The following GBF1 variants were observed in gnomAD, a reference collection of about 807,000 sequenced individuals.
GBF1 encodes the protein Golgi-specific brefeldin A-resistance guanine nucleotide exchange factor 1.
A neutral mutation model predicts 210.5 loss-of-function variants in GBF1; 114 were observed. The observed-to-expected ratio is 0.54, with a 90% CI of 0.47 to 0.63. GBF1 has a LOEUF of 0.63. GBF1 is among the 30% of genes least tolerant of loss of function. GBF1 has a pLI of 0.00. For missense variants in GBF1, 1,851 were observed against 2,357.7 expected (o/e 0.79, Z 4.45); for synonymous variants, 850 against 889.2 (o/e 0.96, Z 0.78).
chr10:102,271,382 C>T (rs904268324), intron 3 of GBF1, among the ~76,000 whole-genome samples: 1 of 152,122 alleles, frequency 6.6e-6, no homozygotes, highest in East Asian at 1.9e-4. Context: ...CAGGATCTTG[C>T]TGTGTTTCCC....
intron 3 of GBF1, among the ~76,000 whole-genome samples, chr10:102,328,954 T>C (rs949616535): frequency 6.6e-6 from 1 of 152,068 alleles, no homozygotes; most frequent in Non-Finnish European, 1.5e-5. Context: ...AAAGCTGGGG[T>C]AAATTGTTCT....
chr10:102,375,536 C>T lies in GBF1; in HGVS notation c.3838C>T (p.Pro1280Ser), dbSNP rs1161171070. The change falls in exon 30 of 40, where the codon CCT becomes TCT. Residue 1280 changes from proline to serine, a missense_variant. This residue lies in a region of GBF1 where 967 missense variants were observed against 1,247.7 expected (regional missense o/e 0.78). Transcript: ENST00000369983. ...LLECIGSGVK[P>S]PAALQATARA... ...GGAGTGCATCGGCTCAGGTGTGAAG[C>T]CTCCAGCTGCTCTGCAGGCCACAGC... The T allele has an allele frequency of 6.2e-7, 1 of 1,613,946 alleles. No individual in the cohort carries two copies. Among genetic ancestry groups the T allele is most frequent in the Admixed American group, 1.7e-5 (1 of 60,030 alleles).
chr10:102,364,317 C>T (rs1407254767), intron 17 of GBF1, among the ~76,000 whole-genome samples: 3 of 148,642 alleles, frequency 2.0e-5, no homozygotes, highest in South Asian at 2.1e-4. Flanking sequence ...CTCCACCTAC[C>T]GGGTTCAAGC....
chr10:102,281,528 AATCTATAAATTATATTTTTATAAATT>A (rs1333906768), intron 3 of GBF1, among the ~76,000 whole-genome samples: 3 of 150,234 alleles, frequency 2.0e-5, no homozygotes, highest in Non-Finnish European at 3.0e-5. Context: ...CATAAATTAT[AATCTATAAATTATATTTTTATAAATT>A]ATCTATAAAT....
chr10:102,236,119 C>T, the GBF1 span, among the ~76,000 whole-genome samples: 5 of 152,264 alleles, frequency 3.3e-5, no homozygotes, highest in Admixed American at 2.6e-4. Context: ...GACTCACGTC[C>T]GGGTGGGCTG....
the GBF1 span, among the ~76,000 whole-genome samples, chr10:102,235,727 T>C: frequency 6.6e-6 from 1 of 152,230 alleles, no homozygotes; most frequent in South Asian, 2.1e-4. Flanking sequence ...CTCATCCCTG[T>C]GTCTGCCCTT....
rs2058370206 is a variant in GBF1 at position 102,344,048 on chromosome 10, C to A, written c.164-3C>A. ...CTCTTCATTTCTGTGTATTTTCTTG[C>A]AGAACTCTCAGAAATTGAGCCCAAT... On this transcript the variant is annotated splice_region_variant and splice_polypyrimidine_tract_variant and intron_variant, in intron 3 of 39. Transcript: ENST00000369983. The A allele has an allele frequency of 1.2e-6, 2 of 1,611,050 alleles. No homozygotes were observed. The highest frequency in any genetic ancestry group is 1.7e-6 in the Non-Finnish European group (2 of 1,177,308).
chr10:102,369,334 G>C lies in GBF1; in HGVS notation c.3097G>C (p.Glu1033Gln), dbSNP rs1302266901. The C allele has an allele frequency of 6.2e-7, 1 of 1,614,052 alleles. No individual in the cohort carries two copies. The highest frequency in any genetic ancestry group is 8.5e-7 in the Non-Finnish European group (1 of 1,179,880). The stretch of plus-strand genomic sequence containing the variant: ...GCGGGAGGGCTGGAAGAATATCATG[G>C]AGGCCATGCTGCAGCTCTTCCGAGC... ...ILREGWKNIM[E>Q]AMLQLFRAQL... The change falls in exon 24 of 40, where the codon GAG becomes CAG. Residue 1033 changes from glutamate to glutamine, a missense_variant. Physicochemically the swap from Glu to Gln is conservative, Grantham distance 29. Around this residue, in one of 3 missense-constraint regions of GBF1, gnomAD observed 967 missense variants for 1,247.7 expected, o/e 0.78. Transcript: ENST00000369983.
chr10:102,248,875 TCCTCCCACTTTTGC>T (rs2071157331), intron 1 of GBF1, among the ~76,000 whole-genome samples: 1 of 152,146 alleles, frequency 6.6e-6, no homozygotes, highest in Non-Finnish European at 1.5e-5. Context: ...ACTCAAGCAG[TCCTCCCACTTTTGC>T]CTCCCAAAGT....
intron 3 of GBF1, among the ~76,000 whole-genome samples, chr10:102,334,825 G>T (rs1007821429): frequency 6.6e-6 from 1 of 151,858 alleles, no homozygotes; most frequent in Non-Finnish European, 1.5e-5. Flanking sequence ...CTCCAGGCTG[G>T]GTGACAGAGC....
intron 3 of GBF1, among the ~76,000 whole-genome samples, chr10:102,314,684 T>C (rs969843436): frequency 2.0e-5 from 3 of 152,214 alleles, no homozygotes; most frequent in Admixed American, 6.5e-5. Context: ...GCCTGCCATA[T>C]AACAGTTCTC....
At chr10:102,280,341 C>G (rs1041675939) in intron 3 of GBF1, among the ~76,000 whole-genome samples, 1 of 152,048 alleles carries the variant, frequency 6.6e-6, no homozygotes, top group African/African-American at 2.4e-5. Flanking sequence ...TTTCCCCTTT[C>G]AGTAGAATGT....
chr10:102,362,019 G>A (rs1201540668), intron 14 of GBF1, 107 bp downstream of exon 14: 3 of 473,688 alleles, frequency 6.3e-6, no homozygotes, highest in African/African-American at 2.0e-5. Context: ...TGAGAGCTGG[G>A]AAATAGAAGA....
intron 3 of GBF1, among the ~76,000 whole-genome samples, chr10:102,265,829 C>T (rs1378316968): frequency 2.0e-5 from 3 of 151,994 alleles, no homozygotes; most frequent in Admixed American, 6.6e-5. Context: ...TGTCTATGTG[C>T]GTGTGAGGGT....
chr10:102,358,275 AG>A, intron 9 of GBF1, 89 bp downstream of exon 9: 2 of 1,215,470 alleles, frequency 1.6e-6, no homozygotes, highest in Non-Finnish European at 2.4e-6. Flanking sequence ...CAACCAACTG[AG>A]GGGCTTTGGT....
the GBF1 span, among the ~76,000 whole-genome samples, chr10:102,234,671 T>A: frequency 6.6e-6 from 1 of 152,140 alleles, no homozygotes; most frequent in African/African-American, 2.4e-5. Context: ...CAAGATGCCC[T>A]TGAAATGCAA....
At chr10:102,362,035 ATTTTC>A in intron 14 of GBF1, 123 bp downstream of exon 14, 4 of 362,024 alleles carry the variant, frequency 1.1e-5, no homozygotes, top group Non-Finnish European at 1.9e-5. Context: ...GAAGAAAGGC[ATTTTC>A]TTTTCTTTTC....
intron 3 of GBF1, among the ~76,000 whole-genome samples, chr10:102,343,434 T>C (rs1417094528): frequency 1.3e-5 from 2 of 152,188 alleles, no homozygotes; most frequent in Non-Finnish European, 2.9e-5. Context: ...TATTTGATGA[T>C]ATTGAAAAAT....
chr10:102,329,440 A>G (rs1358233332), intron 3 of GBF1, among the ~76,000 whole-genome samples: 4 of 152,140 alleles, frequency 2.6e-5, no homozygotes, highest in Non-Finnish European at 1.5e-5. Flanking sequence ...CTTCAGTTCT[A>G]GGATGGTTGA....
Sources: allele counts gnomAD v4.1 joint callset (sites outside exome capture counted in the v4.1 genomes callset), GRCh38; gene constraint gnomAD v4.1.1; regional missense constraint gnomAD v4.1.1; transcripts MANE v1.5; gene names NCBI Gene and HGNC (gene_info 2026-07-23, HGNC 2026-07-21).